UNC79: variants seen among roughly 807,000 people sequenced by gnomAD.
UNC79 encodes the protein unc-79 subunit of NALCN channel complex.
A neutral mutation model predicts 283.1 loss-of-function variants in UNC79; 37 were observed. That is an observed-to-expected ratio of 0.13 (90% CI 0.10 to 0.17). The LOEUF (loss-of-function observed/expected upper bound fraction) is 0.17, where lower values mean the gene tolerates loss of function less well. Ranked by LOEUF, UNC79 falls within the 10% of genes least tolerant of loss-of-function variation. The pLI, the probability that UNC79 is intolerant of heterozygous loss-of-function variation, is 1.00. For synonymous variants in UNC79, 1,107 were observed against 1,200.2 expected (o/e 0.92, Z 1.61); for missense variants, 2,272 against 3,211.1 (o/e 0.71, Z 7.07).
At chr14:93,500,297 C>G (rs889023481) in intron 7 of UNC79, among the ~76,000 whole-genome samples, 2 of 152,204 alleles carry the variant, frequency 1.3e-5, no homozygotes, top group African/African-American at 4.8e-5. Context: ...GGCATTCATT[C>G]TTCAGTCCAT....
intron 1 of UNC79, among the ~76,000 whole-genome samples, chr14:93,414,006 TG>T (rs2055397605): frequency 6.6e-6 from 1 of 152,126 alleles, no homozygotes; most frequent in Non-Finnish European, 1.5e-5. Flanking sequence ...TAGTTTCTTT[TG>T]CTGTGCAGAA....
At chr14:93,516,353 A>G (rs983191428) in intron 7 of UNC79, among the ~76,000 whole-genome samples, 2 of 150,164 alleles carry the variant, frequency 1.3e-5, no homozygotes, top group African/African-American at 2.5e-5. Flanking sequence ...TGTTCTTTTA[A>G]AGAATTTTTT....
At chr14:93,585,091 C>T (rs886602239) in intron 20 of UNC79, among the ~76,000 whole-genome samples, 10 of 152,214 alleles carry the variant, frequency 6.6e-5, no homozygotes, top group Admixed American at 6.5e-4. Context: ...GCATGCTCCT[C>T]CAGGCTCCTG....
At chr14:93,564,652 G>A (rs1479242706) in intron 14 of UNC79, among the ~76,000 whole-genome samples, 3 of 152,128 alleles carry the variant, frequency 2.0e-5, no homozygotes, top group Admixed American at 6.5e-5. Context: ...GGGTGCAGGC[G>A]GGCTGAGTCT....
intron 22 of UNC79, among the ~76,000 whole-genome samples, chr14:93,590,256 A>G: frequency 6.6e-6 from 1 of 152,178 alleles, no homozygotes; most frequent in East Asian, 1.9e-4. Context: ...TCTTCAGCCC[A>G]CTAGAGAAGC....
At chr14:93,344,632 CAATATTTGAGTCAAGTAGTGT>C (rs2053785030) in intron 1 of UNC79, among the ~76,000 whole-genome samples, 1 of 152,214 alleles carries the variant, frequency 6.6e-6, no homozygotes, top group East Asian at 1.9e-4. Flanking sequence ...CTCTTTGGTC[CAATATTTGAGTCAAGTAGTGT>C]AACAACTGTG....
chr14:93,645,631 C>T (rs941427617), intron 34 of UNC79, among the ~76,000 whole-genome samples: 3 of 152,106 alleles, frequency 2.0e-5, no homozygotes, highest in Non-Finnish European at 2.9e-5. Flanking sequence ...ATAACGCTTT[C>T]GTGGATCACT....
chr14:93,435,024 T>C (rs955633376), intron 1 of UNC79, among the ~76,000 whole-genome samples: 1 of 152,186 alleles, frequency 6.6e-6, no homozygotes, highest in Non-Finnish European at 1.5e-5. Flanking sequence ...CATGTATATG[T>C]AAGGGCCATG....
At chr14:93,475,125 G>T (rs1373766052) in intron 3 of UNC79, among the ~76,000 whole-genome samples, 1 of 152,024 alleles carries the variant, frequency 6.6e-6, no homozygotes, top group Non-Finnish European at 1.5e-5. Context: ...TCATTATCTT[G>T]GTTGCTTACC....
At chr14:93,508,132 A>C (rs12434502) in intron 7 of UNC79, among the ~76,000 whole-genome samples, 2,082 of 151,614 alleles carry the variant, frequency 0.014, 60 homozygotes, top group African/African-American at 0.048. Flanking sequence ...TTCTTTGACT[A>C]CTTTGGCTAT....
At chr14:93,550,514 C>CAA (rs1205210121) in intron 14 of UNC79, among the ~76,000 whole-genome samples, 4,347 of 19,034 alleles carry the variant, frequency 0.23, 323 homozygotes, top group Non-Finnish European at 0.37. Context: ...GACTCCGTAT[C>CAA]AAAAAAAAAA....
chr14:93,568,296 CCATCCT>C (rs1338280021), intron 14 of UNC79, among the ~76,000 whole-genome samples: 1 of 152,112 alleles, frequency 6.6e-6, no homozygotes, highest in Admixed American at 6.6e-5. Context: ...GAGCCAAGCT[CCATCCT>C]TACTCTGTCT....
exon 18 of UNC79, chr14:93,577,942 C>T (rs751135621): frequency 9.3e-6 from 15 of 1,613,984 alleles, no homozygotes; most frequent in Middle Eastern, 1.6e-4. Flanking sequence ...TTGCGTAGTC[C>T]GTTTCGTAGC....
chr14:93,578,412 A>G (rs1405026520), intron 18 of UNC79, among the ~76,000 whole-genome samples: 1 of 152,236 alleles, frequency 6.6e-6, no homozygotes, highest in Non-Finnish European at 1.5e-5. Context: ...TATTTTATAC[A>G]TTGATTTTTA....
At chr14:93,641,677 T>G (rs1188148199) in intron 33 of UNC79, among the ~76,000 whole-genome samples, 1 of 152,110 alleles carries the variant, frequency 6.6e-6, no homozygotes, top group African/African-American at 2.4e-5. Context: ...AACAAAGCAC[T>G]TGTAAGATTT....
chr14:93,400,369 T>TTTTTTTTTTTTTTTTTTTTTTTGAG (rs2055082052), intron 1 of UNC79, among the ~76,000 whole-genome samples: 1 of 152,102 alleles, frequency 6.6e-6, no homozygotes, highest in African/African-American at 2.4e-5. Context: ...GACTTTGTTT[T>TTTTTTTTTTTTTTTTTTTTTTTGAG]AAGGTTGATG....
intron 22 of UNC79, among the ~76,000 whole-genome samples, chr14:93,591,098 T>G (rs995022631): frequency 1.3e-5 from 2 of 152,232 alleles, no homozygotes; most frequent in Admixed American, 1.3e-4. Context: ...GGTCCCTGTT[T>G]GTCTGACTTC....
At chr14:93,619,248 A>G (rs76303783) in intron 29 of UNC79, among the ~76,000 whole-genome samples, 2,185 of 152,290 alleles carry the variant, frequency 0.014, 51 homozygotes, top group African/African-American at 0.05. Context: ...CTCCTAAAGA[A>G]TATCTTGTCT....
chr14:93,372,556 G>A (rs1245184421), intron 1 of UNC79, among the ~76,000 whole-genome samples: 1 of 152,136 alleles, frequency 6.6e-6, no homozygotes, highest in Non-Finnish European at 1.5e-5. Flanking sequence ...TTCAGACCAA[G>A]GAATACTACT....
Sources: gnomAD v4.1 joint callset for allele counts (sites outside exome capture counted in the v4.1 genomes callset) on GRCh38, gnomAD v4.1.1 for gene constraint, MANE v1.5 for transcripts, NCBI Gene and HGNC (gene_info 2026-07-23, HGNC 2026-07-21) for gene names.